C19orf12: variants seen among roughly 807,000 people sequenced by gnomAD.
C19orf12 encodes chromosome 19 open reading frame 12.
In C19orf12, 2 loss-of-function variants were observed where a neutral mutation model predicts 3.8. The observed-to-expected ratio is 0.53, with a 90% confidence interval of 0.22 to 1.66. The LOEUF is 1.66. C19orf12 is among the 40% of genes most tolerant of loss of function. C19orf12 has a pLI of 0.20. For missense variants in C19orf12, 156 were observed against 188.8 expected, an observed-to-expected ratio of 0.83 and a Z score of 1.02; for synonymous variants, 89 against 84.6, an observed-to-expected ratio of 1.05 and a Z score of -0.28.
In C19orf12 at chr19:29,699,980, C is replaced by T. The variant is rs761466058; in HGVS notation, c.*2732G>A. The T allele has an allele frequency of 1.3e-5, 6 of 453,950 alleles. No individual in the cohort carries two copies. The highest frequency in any genetic ancestry group is 2.2e-5 in the Non-Finnish European group (5 of 226,794). 28.1% of individuals were successfully genotyped at this position (453,950 alleles called of 1,614,324 possible). ...TCCAGGTTCAGGCTGCCCTTTTAGG[C>T]CCAAAGCCTCCAAGTCACCCCAGGA... is the stretch of plus-strand genomic sequence containing the variant. On this transcript the variant is annotated 3_prime_UTR_variant, in exon 3 of 3. Transcript: ENST00000323670.
chr19:29,712,877 A>G (rs1432050046), intron 1 of C19orf12, among the ~76,000 whole-genome samples: 1 of 152,198 alleles, frequency 6.6e-6, no homozygotes, highest in African/African-American at 2.4e-5. Flanking sequence ...ACACAAGCCC[A>G]GGGTTCTGCA....
chr19:29,700,881 G>A lies in C19orf12; in HGVS notation c.*1831C>T, dbSNP rs1432387375. ...TCCGAGCCTCCAGGGCCTGAGAGGA[G>A]AGCCCCAAGTCCCTGCCCTGCCCCA... On this transcript the variant is annotated 3_prime_UTR_variant, in exon 3 of 3. Transcript: ENST00000323670. The A allele has an allele frequency of 2.2e-6, 1 of 454,064 alleles. No homozygotes were observed. Among genetic ancestry groups the A allele is most frequent in the Non-Finnish European group, 4.4e-6 (1 of 226,782 alleles). The allele number at this position is 454,064 out of a possible 1,614,324, so 28.1% of individuals were successfully genotyped here.
intron 2 of C19orf12, among the ~76,000 whole-genome samples, chr19:29,703,912 C>T (rs144268841): frequency 0.02 from 3,085 of 152,048 alleles, 38 homozygotes; most frequent in Non-Finnish European, 0.031. Context: ...ATCACTTGAA[C>T]CCGGGAAGTA....
In C19orf12 at chr19:29,701,613, T is replaced by C. The variant is rs943810132; in HGVS notation, c.*1099A>G. On this transcript the variant is annotated 3_prime_UTR_variant, in exon 3 of 3. Coordinates refer to ENST00000323670, the MANE Select transcript of C19orf12 (RefSeq NM_031448.6). ...GAAATCTTTAGGGTAGAAACATTTC[T>C]TAGAGATGGTTTATATCACACCACT... is the stretch of plus-strand genomic sequence containing the variant. 6.6e-6 allele frequency: 3 copies of C among 454,102 alleles called. No individual in the cohort carries two copies. The highest frequency in any genetic ancestry group is 6.9e-4 in the Middle Eastern group (1 of 1,444). 28.1% of individuals were successfully genotyped at this position (454,102 alleles called of 1,614,324 possible).
intron 1 of C19orf12, among the ~76,000 whole-genome samples, chr19:29,713,974 CCT>C (rs1568338089): frequency 1.4e-5 from 2 of 146,442 alleles, no homozygotes; most frequent in East Asian, 4.3e-4. Flanking sequence ...TTCCTTCCTT[CCT>C]TTTCTCTTTC....
rs762174442 is a variant in C19orf12 at position 29,702,889 on chromosome 19, G to A, written c.249C>T (p.Ala83=). The A allele has an allele frequency of 2.2e-5, 35 of 1,614,044 alleles. No homozygotes were observed. The highest frequency in any genetic ancestry group is 5.0e-5 in the Admixed American group (3 of 60,004). The change falls in exon 3 of 3, where the codon GCC becomes GCT. Residue 83 remains alanine (A), a synonymous_variant. Transcript: ENST00000323670. ...CTTCGTTAAAGAGCCTCTGTTGCTCGGCAGGGGGCAGCTCCATTAGGATCT... is the reference window on the plus strand; with the variant it reads ...CTTCGTTAAAGAGCCTCTGTTGCTCAGCAGGGGGCAGCTCCATTAGGATCT... ...VPQILMELPP[A]EQQRLFNEAA...
intron 2 of C19orf12, among the ~76,000 whole-genome samples, 177 bp downstream of exon 2, chr19:29,708,077 C>T (rs1237617781): frequency 1.3e-5 from 2 of 152,098 alleles, no homozygotes; most frequent in Non-Finnish European, 2.9e-5. Flanking sequence ...CGGGGTTTCA[C>T]CATGTTGGCC....
At position 29,702,763 on chromosome 19, in the gene C19orf12, C is replaced by A; in HGVS notation, c.375G>T (p.Leu125=). The change falls in exon 3 of 3, where the codon CTG becomes CTT. Residue 125 remains leucine (L), a synonymous_variant. Transcript: ENST00000323670. ...EALQQQLLAM[L]VNYVTKELRA... ...GCAGCTCCTTGGTGACGTAGTTCAC[C>A]AGCATGGCCAGCAGCTGCTGCTGCA... 1 of 1,613,898 alleles carries A rather than the reference C, an allele frequency of 6.2e-7. No homozygotes were observed.
At chr19:29,715,392 C>CG, upstream of C19orf12, 1 of 399,502 alleles carries the variant, frequency 2.5e-6, no homozygotes. Flanking sequence ...ACCCCCTCCC[C>CG]GGTCCTGGCC....
At chr19:29,712,997 A>G (rs1231181024) in intron 1 of C19orf12, among the ~76,000 whole-genome samples, 1 of 152,236 alleles carries the variant, frequency 6.6e-6, no homozygotes, top group Admixed American at 6.5e-5. Context: ...GACTCCATCC[A>G]AGGTTCAATT....
chr19:29,710,243 G>C (rs926126453), intron 1 of C19orf12, among the ~76,000 whole-genome samples: 109 of 152,118 alleles, frequency 7.2e-4, no homozygotes, highest in African/African-American at 2.5e-3. Context: ...CCAATCCTGG[G>C]ATATAATTTT....
At position 29,708,579 on chromosome 19, in the gene C19orf12, G is replaced by A. The variant is rs922556498; in HGVS notation, c.-10-156C>T. 5 of 898,250 alleles carry A rather than the reference G, an allele frequency of 5.6e-6. No individual in the cohort carries two copies. In the African/African-American group the frequency reaches 6.6e-5, roughly 12 times the overall value. The allele number at this position is 898,250 out of a possible 1,614,324, so 55.6% of individuals were successfully genotyped here. A position where few individuals can be genotyped will look rare whatever the true frequency, so the allele number is the denominator to read the frequency against. Reference sequence around the variant, plus strand: ...GTATGACAGACAGCATCCAGACGGTGGAAAGTTCCCACAGACAGGACAGGC... The same window carrying A: ...GTATGACAGACAGCATCCAGACGGTAGAAAGTTCCCACAGACAGGACAGGC... On this transcript the variant is annotated intron_variant, in intron 1 of 2. Coordinates refer to ENST00000323670, the MANE Select transcript of C19orf12 (RefSeq NM_031448.6).
intron 2 of C19orf12, 73 bp from the exon 3 acceptor site, chr19:29,703,050 T>C (rs1490713481): frequency 1.1e-5 from 17 of 1,591,050 alleles, no homozygotes; most frequent in Non-Finnish European, 1.5e-5. Context: ...TCCCACTGAG[T>C]GCACACCACC....
rs1030202086 is a variant in C19orf12, at chr19:29,699,626, T to G, written c.*3086A>C. 8.8e-6 allele frequency: 4 copies of G among 453,874 alleles called. No homozygotes were observed. The highest frequency in any genetic ancestry group is 1.8e-5 in the Non-Finnish European group (4 of 226,780). The allele number at this position is 453,874 out of a possible 1,614,324, so 28.1% of individuals were successfully genotyped here. ...TTTTATTTCATTATATTTTCTGGGTTTTTCTAGGTTTTCAGCAACAAATAC... is the reference window on the plus strand; with the variant it reads ...TTTTATTTCATTATATTTTCTGGGTGTTTCTAGGTTTTCAGCAACAAATAC... On this transcript the variant is annotated 3_prime_UTR_variant, in exon 3 of 3. Coordinates refer to ENST00000323670, the MANE Select transcript of C19orf12 (RefSeq NM_031448.6).
rs1201598098 is a variant in C19orf12, at chr19:29,701,808, A to G, written c.*904T>C. 7 of 452,408 alleles carry G rather than the reference A, an allele frequency of 1.5e-5. No homozygotes were observed. The highest frequency in any genetic ancestry group is 1.4e-4 in the African/African-American group (7 of 49,944). The allele number at this position is 452,408 out of a possible 1,614,324, so 28.0% of individuals were successfully genotyped here. On this transcript the variant is annotated 3_prime_UTR_variant, in exon 3 of 3. Transcript: ENST00000323670. ...TCTGTGTCAGCATTTTGAACAGTAA[A>G]TATTTTTAAATTAAGGTTTGTACAT...
intron 1 of C19orf12, among the ~76,000 whole-genome samples, chr19:29,709,645 T>G (rs991804611): frequency 6.6e-6 from 1 of 150,414 alleles, no homozygotes; most frequent in African/African-American, 2.4e-5. Flanking sequence ...TCCTCCCACC[T>G]CAGCCTCTTG....
chr19:29,709,202 A>C (rs1029465946), intron 1 of C19orf12, among the ~76,000 whole-genome samples: 2 of 152,278 alleles, frequency 1.3e-5, no homozygotes, highest in Admixed American at 6.5e-5. Flanking sequence ...AATCATTCCC[A>C]GGCTTTGCAA....
At chr19:29,708,227 C>T (rs1264013695) in intron 2 of C19orf12, 27 bp downstream of exon 2, 3 of 1,607,652 alleles carry the variant, frequency 1.9e-6, no homozygotes, top group South Asian at 1.1e-5. Flanking sequence ...CCGAGGCTGG[C>T]TATCTCTGTG....
chr19:29,713,404 G>T (rs1047827457), intron 1 of C19orf12, among the ~76,000 whole-genome samples: 2 of 152,100 alleles, frequency 1.3e-5, no homozygotes, highest in Non-Finnish European at 2.9e-5. Context: ...GCTCTGACAG[G>T]TACAGAGAGA....
Sources: allele counts gnomAD v4.1 joint callset (sites outside exome capture counted in the v4.1 genomes callset), GRCh38; gene constraint gnomAD v4.1.1; transcripts MANE v1.5; gene names NCBI Gene and HGNC (gene_info 2026-07-23, HGNC 2026-07-21).